The following SHOC1 variants were observed in gnomAD, a reference collection of about 807,000 sequenced individuals.
SHOC1 encodes protein shortage in chiasmata 1 ortholog.
Under a neutral mutation model 179.2 loss-of-function variants are expected in SHOC1, and 136 were observed. The ratio of observed to expected loss-of-function variants is 0.76; its 90% CI spans 0.66 to 0.87. The LOEUF (loss-of-function observed/expected upper bound fraction) is 0.87. SHOC1 is among the 40% of genes least tolerant of loss of function. The pLI is 0.00. For synonymous variants in SHOC1, 489 were observed against 586.6 expected, an observed-to-expected ratio of 0.83 and a Z score of 2.41; for missense variants, 1,538 against 1,700.8, an observed-to-expected ratio of 0.90 and a Z score of 1.68.
At chr9:111,764,249 CTT>C (rs951889454) in intron 5 of SHOC1, among the ~76,000 whole-genome samples, 1 of 152,146 alleles carries the variant, frequency 6.6e-6, no homozygotes, top group Non-Finnish European at 1.5e-5. Flanking sequence ...TTCAAATAAC[CTT>C]TGTTTTACTT....
In SHOC1 at chr9:111,775,834, G is replaced by C; in HGVS notation, c.399C>G (p.Val133=). ...GTGCTGAACATTTTTCTAAACAACTGACAGGGGTAAAGACTTCATTGTAGT... is the reference window on the plus strand; with the variant it reads ...GTGCTGAACATTTTTCTAAACAACTCACAGGGGTAAAGACTTCATTGTAGT... The part of the protein sequence containing the change: ...HMDYNEVFTP[V]SCLEKCSALQ... The change falls in exon 5 of 28, where the codon GTC becomes GTG. Residue 133 remains valine (V), a synonymous_variant. Coordinates refer to ENST00000682961, the MANE Select transcript of SHOC1 (RefSeq NM_001378211.1). 1 of 1,611,320 alleles carries C rather than the reference G, an allele frequency of 6.2e-7. No individual in the cohort carries two copies. The highest frequency in any genetic ancestry group is 8.5e-7 in the Non-Finnish European group (1 of 1,179,328).
intron 5 of SHOC1, among the ~76,000 whole-genome samples, chr9:111,762,655 A>G (rs1369937357): frequency 1.3e-5 from 2 of 152,154 alleles, no homozygotes; most frequent in African/African-American, 4.8e-5. Context: ...AAAACATAAA[A>G]TTCAATCCTC....
chr9:111,793,045 G>T (rs1260240306), intron 1 of SHOC1, among the ~76,000 whole-genome samples: 4 of 152,118 alleles, frequency 2.6e-5, no homozygotes, highest in Admixed American at 2.0e-4. Flanking sequence ...AACACGCCCG[G>T]CTAATTTTTT....
intron 3 of SHOC1, 45 bp from the exon 4 acceptor site, chr9:111,781,062 A>C: frequency 3.0e-6 from 4 of 1,345,062 alleles, no homozygotes; most frequent in Non-Finnish European, 3.1e-6. Context: ...ATTTTCTTTT[A>C]CACTTAATTC....
rs7868266 is a variant in SHOC1 at position 111,707,858 on chromosome 9, C to T, written c.2555G>A (p.Arg852Lys). The change falls in exon 19 of 28, where the codon AGG (arginine) becomes AAG (lysine). Residue 852 changes from arginine to lysine, a missense_variant. Coordinates refer to ENST00000682961, the MANE Select transcript of SHOC1 (RefSeq NM_001378211.1). ...AGATGAAGGAATGAATTTTTACCCCCTTAAAACACCTTCAGATTCCAGAAA... is the reference window on the plus strand; with the variant it reads ...AGATGAAGGAATGAATTTTTACCCCTTTAAAACACCTTCAGATTCCAGAAA... Reference protein sequence around the residue: ...KDFLESEGVLRGTSSCVVVHN... With the variant: ...KDFLESEGVLKGTSSCVVVHN... 34,099 of 1,577,772 alleles carry T rather than the reference C, an allele frequency of 0.022. 1,382 individuals carry two copies. The highest frequency in any genetic ancestry group is 0.17 in the African/African-American group (12,194 of 72,658).
intron 5 of SHOC1, chr9:111,759,096 A>C: frequency 6.7e-7 from 1 of 1,493,068 alleles, no homozygotes; most frequent in African/African-American, 1.4e-5. Flanking sequence ...AAAGAGCTGT[A>C]ACGGCTAATA....
chr9:111,737,204 A>C (rs889003149), intron 12 of SHOC1, among the ~76,000 whole-genome samples: 11 of 152,354 alleles, frequency 7.2e-5, no homozygotes, highest in African/African-American at 2.4e-4. Context: ...CAATCCCATT[A>C]CTGGGTATAT....
chr9:111,784,190 T>C (rs933778637), intron 3 of SHOC1, among the ~76,000 whole-genome samples: 1 of 152,236 alleles, frequency 6.6e-6, no homozygotes, highest in Non-Finnish European at 1.5e-5. Flanking sequence ...AATTGCCTTC[T>C]TAATGATCCA....
At chr9:111,791,616 A>G (rs1836447961) in intron 1 of SHOC1, among the ~76,000 whole-genome samples, 162 bp from the exon 2 acceptor site, 1 of 152,194 alleles carries the variant, frequency 6.6e-6, no homozygotes, top group African/African-American at 2.4e-5. Context: ...TAATATGAAA[A>G]TAATGTATAT....
At chr9:111,749,008 T>C (rs1564145789) in intron 8 of SHOC1, among the ~76,000 whole-genome samples, 5 of 136,926 alleles carry the variant, frequency 3.7e-5, no homozygotes. Flanking sequence ...TTTCCTGCCT[T>C]CCTTCCTGCC....
chr9:111,707,945 T>TC, intron 18 of SHOC1, 21 bp from the exon 19 acceptor site: 1 of 1,434,740 alleles, frequency 7.0e-7, no homozygotes, highest in Non-Finnish European at 9.5e-7. Context: ...AAAGAATAAT[T>TC]TTTTTCAGTG....
intron 5 of SHOC1, among the ~76,000 whole-genome samples, chr9:111,767,260 T>C (rs1297747099): frequency 6.6e-6 from 1 of 152,224 alleles, no homozygotes; most frequent in African/African-American, 2.4e-5. Flanking sequence ...CAAAAAATCT[T>C]AGCTCAGACC....
At position 111,727,810 on chromosome 9, in the gene SHOC1, C is replaced by A; in HGVS notation, c.1657G>T (p.Asp553Tyr). 2 of 1,612,504 alleles carry A rather than the reference C, an allele frequency of 1.2e-6. No homozygotes were observed. Among genetic ancestry groups the A allele is most frequent in the South Asian group, 1.1e-5 (1 of 90,628 alleles). The change falls in exon 13 of 28, where the codon GAC (aspartate) becomes TAC (tyrosine). Residue 553 changes from aspartate (D) to tyrosine (Y), a missense_variant. Physicochemically the swap from Asp to Tyr is radical, Grantham distance 160 (BLOSUM62 -3). Transcript: ENST00000682961. Reference protein sequence around the residue: ...KKENNDHFELDCTGPSIKSPS... With the variant: ...KKENNDHFELYCTGPSIKSPS... The stretch of plus-strand genomic sequence containing the variant: ...GATTTAATAGATGGTCCTGTGCAGT[C>A]AAGTTCAAAGTGATCGTTATTTTCT...
intron 5 of SHOC1, among the ~76,000 whole-genome samples, chr9:111,761,432 G>A (rs779562994): frequency 1.8e-4 from 27 of 152,122 alleles, no homozygotes; most frequent in South Asian, 1.0e-3. Flanking sequence ...AACCTGGGAG[G>A]TGGAGGTTGC....
intron 27 of SHOC1, among the ~76,000 whole-genome samples, chr9:111,690,351 G>A (rs533638466): frequency 6.6e-6 from 1 of 152,268 alleles, no homozygotes; most frequent in African/African-American, 2.4e-5. Context: ...GGTTGAGCCC[G>A]AAAGGTGGGG....
chr9:111,686,716 G>T lies in SHOC1; in HGVS notation c.*54C>A. 2.7e-6 allele frequency: 3 copies of T among 1,115,098 alleles called. No homozygotes were observed. Among genetic ancestry groups the T allele is most frequent in the South Asian group, 1.3e-5 (1 of 79,142 alleles). The allele number at this position is 1,115,098 out of a possible 1,614,324, so 69.1% of individuals were successfully genotyped here. ...AGCAAATCTAAATAATTGCGCTAGT[G>T]GATTAGCATCAAAAACAGTGGAATA... On this transcript the variant is annotated 3_prime_UTR_variant, in exon 28 of 28. Coordinates refer to ENST00000682961, the MANE Select transcript of SHOC1 (RefSeq NM_001378211.1).
intron 8 of SHOC1, among the ~76,000 whole-genome samples, chr9:111,752,903 A>T (rs1225168679): frequency 6.6e-6 from 1 of 152,172 alleles, no homozygotes; most frequent in Non-Finnish European, 1.5e-5. Context: ...AAAAACAATA[A>T]GAAAAAAATT....
chr9:111,761,441 G>A (rs1429533871), intron 5 of SHOC1, among the ~76,000 whole-genome samples: 1 of 152,172 alleles, frequency 6.6e-6, no homozygotes, highest in Non-Finnish European at 1.5e-5. Flanking sequence ...GGTGGAGGTT[G>A]CAGTTAGCTG....
At position 111,746,385 on chromosome 9, in the gene SHOC1, A is replaced by G. The variant is rs770971765; in HGVS notation, c.971-43T>C. ...TAAAGTTATGTAAACATTGAATAAT[A>G]TTAAGTAGGCTAGGCGTGGTGGCTC... On this transcript the variant is annotated intron_variant, in intron 9 of 27. Coordinates refer to ENST00000682961, the MANE Select transcript of SHOC1 (RefSeq NM_001378211.1). 3.0e-6 allele frequency: 4 copies of G among 1,314,286 alleles called. No individual in the cohort carries two copies. In the South Asian group the frequency reaches 4.8e-5, roughly 16 times the overall value. 81.4% of individuals were successfully genotyped at this position (1,314,286 alleles called of 1,614,324 possible).
Sources: gnomAD v4.1 joint callset for allele counts (sites outside exome capture counted in the v4.1 genomes callset) on GRCh38, gnomAD v4.1.1 for gene constraint, MANE v1.5 for transcripts, NCBI Gene and HGNC (gene_info 2026-07-23, HGNC 2026-07-21) for gene names.